FOXN4: variants seen among roughly 807,000 people sequenced by gnomAD.
FOXN4 encodes the protein forkhead box protein N4.
FOXN4 carries 12 observed loss-of-function variants against 45.0 expected under a neutral mutation model. The ratio of observed to expected loss-of-function variants is 0.27; its 90% CI spans 0.17 to 0.43. The LOEUF is 0.43. Among genes scored for constraint, FOXN4 ranks in the 20% least tolerant of loss-of-function variants. The pLI, the probability that FOXN4 is intolerant of heterozygous loss-of-function variation, is 1.00. For missense variants in FOXN4, 560 were observed against 694.9 expected (o/e 0.81, Z 2.18); for synonymous variants, 297 against 295.0 (o/e 1.01, Z -0.07).
chr12:109,279,374 G>T lies in FOXN4; in HGVS notation c.*297C>A, dbSNP rs865980387. On this transcript the variant is annotated 3_prime_UTR_variant, in exon 10 of 10. Transcript: ENST00000299162. ...CTCACTCAACACGGGCAGGCATTGC[G>T]GCTCAGGCCTCGGAGGAGTGTCAAG... The T allele has an allele frequency of 8.7e-6, 4 of 457,284 alleles. No individual in the cohort carries two copies. The highest frequency in any genetic ancestry group is 4.0e-5 in the East Asian group (1 of 25,296). The allele number at this position is 457,284 out of a possible 1,614,324, so 28.3% of individuals were successfully genotyped here.
rs1431019791 is a variant in FOXN4, at chr12:109,290,447, T to C, written c.87-161A>G. 3.9e-5 allele frequency among the ~76,000 whole-genome samples: 6 copies of C among 152,170 alleles called. No homozygotes were observed. Among genetic ancestry groups the C allele is most frequent in the Non-Finnish European group, 8.8e-5 (6 of 68,028 alleles). ...CCCAGGACTGGACACGGGAACCTGGTCCCAGATCCCTTTCGGCAGCCAGAT... is the reference window on the plus strand; with the variant it reads ...CCCAGGACTGGACACGGGAACCTGGCCCCAGATCCCTTTCGGCAGCCAGAT... On this transcript the variant is annotated intron_variant, in intron 2 of 9. Coordinates refer to ENST00000299162, the MANE Select transcript of FOXN4 (RefSeq NM_213596.3). The surrounding 1 kb of genome is among the most constrained non-coding windows in gnomAD (Gnocchi z 5.1).
At chr12:109,280,467 A>G (rs563354191) in intron 9 of FOXN4, among the ~76,000 whole-genome samples, 3 of 152,282 alleles carry the variant, frequency 2.0e-5, no homozygotes, top group African/African-American at 7.2e-5. Flanking sequence ...ATAAGATGGA[A>G]ATGATCAGTG....
At position 109,281,438 on chromosome 12, in the gene FOXN4, G is replaced by C. The variant is rs957752512; in HGVS notation, c.1263C>G (p.Leu421=). ...STDMNTEVDA[L]DPSIMDFALQ... ...GAGCGAAGTCCATGATGCTCGGGTCGAGGGCATCCACCTCAGTGTTCATGT... is the reference window on the plus strand; with the variant it reads ...GAGCGAAGTCCATGATGCTCGGGTCCAGGGCATCCACCTCAGTGTTCATGT... Residue 421 remains leucine, a synonymous_variant, in exon 9 of 10, where the codon CTC becomes CTG. Coordinates refer to ENST00000299162, the MANE Select transcript of FOXN4 (RefSeq NM_213596.3). The C allele has an allele frequency of 1.9e-6, 3 of 1,613,954 alleles. No homozygotes were observed. Among genetic ancestry groups the C allele is most frequent in the Middle Eastern group, 1.6e-4 (1 of 6,062 alleles).
chr12:109,290,018 G>A lies in FOXN4; in HGVS notation c.232+123C>T. ...GCATTTGTCCCATTTTACAGATGCA[G>A]AAAGAGAGGCCCAGAGAGACTGGGA... On this transcript the variant is annotated intron_variant, in intron 3 of 9. Coordinates refer to ENST00000299162, the MANE Select transcript of FOXN4 (RefSeq NM_213596.3). The surrounding 1 kb of genome is among the most constrained non-coding windows in gnomAD (Gnocchi z 5.1). 1 of 1,201,130 alleles carries A rather than the reference G, an allele frequency of 8.3e-7. No homozygotes were observed. The allele number at this position is 1,201,130 out of a possible 1,614,324, so 74.4% of individuals were successfully genotyped here. A position where few individuals can be genotyped will look rare whatever the true frequency, so the allele number is the denominator to read the frequency against.
rs570017744 is a variant in FOXN4 at position 109,291,346 on chromosome 12, C to T, written c.87-1060G>A. On this transcript the variant is annotated intron_variant, in intron 2 of 9. Transcript: ENST00000299162. The surrounding 1 kb of genome is among the most constrained non-coding windows in gnomAD (Gnocchi z 6.6). ...CAGGAGCACACGCCCGACTCCACCA[C>T]ATCTGCCACCCCTGTAGCCAGGGGC... Among the ~76,000 whole-genome samples the T allele has an allele frequency of 4.6e-5, 7 of 152,250 alleles. No homozygotes were observed. In the East Asian group the frequency reaches 1.4e-3, roughly 29 times the overall value.
In FOXN4 at chr12:109,288,866, C is replaced by T. The variant is rs550880611; in HGVS notation, c.233-686G>A. 1.4e-3 allele frequency among the ~76,000 whole-genome samples: 218 copies of T among 152,354 alleles called. No individual in the cohort carries two copies. Among genetic ancestry groups the T allele is most frequent in the Middle Eastern group, 0.01 (3 of 294 alleles). On this transcript the variant is annotated intron_variant, in intron 3 of 9. Transcript: ENST00000299162. This position sits in a 1 kb window ranked among gnomAD's most constrained non-coding sequence, Gnocchi z 4.3. ...AGGAAGCCCTCTGGGTCCTTCAGCT[C>T]TCTTCTGAGTTCTGGCTGCCACTGT... is the stretch of plus-strand genomic sequence containing the variant.
intron 2 of FOXN4, among the ~76,000 whole-genome samples, chr12:109,306,012 C>A (rs1471722169): frequency 6.6e-6 from 1 of 152,146 alleles, no homozygotes; most frequent in African/African-American, 2.4e-5. Flanking sequence ...AGTTTGTCAG[C>A]TGGGTGGCCC....
intron 2 of FOXN4, among the ~76,000 whole-genome samples, chr12:109,303,449 T>G (rs2047885544): frequency 6.6e-6 from 1 of 152,278 alleles, no homozygotes; most frequent in African/African-American, 2.4e-5. Context: ...TCACGTGATA[T>G]TTGTCCATTC....
At chr12:109,303,329 T>C (rs1476528427) in intron 2 of FOXN4, among the ~76,000 whole-genome samples, 1 of 152,216 alleles carries the variant, frequency 6.6e-6, no homozygotes, top group Non-Finnish European at 1.5e-5. Context: ...AACTGATGGG[T>C]GAAGCCACCT....
intron 2 of FOXN4, among the ~76,000 whole-genome samples, chr12:109,296,738 G>C (rs2047821609): frequency 6.6e-6 from 1 of 152,146 alleles, no homozygotes; most frequent in African/African-American, 2.4e-5. Context: ...ACAGGGCCGG[G>C]CACACAAAGG....
At position 109,287,488 on chromosome 12, in the gene FOXN4, C is replaced by A. The variant is rs534934360; in HGVS notation, c.505G>T (p.Val169Leu). The change falls in exon 6 of 10, where the codon GTG becomes TTG. Residue 169 changes from valine (V) to leucine (L), a missense_variant. Coordinates refer to ENST00000299162, the MANE Select transcript of FOXN4 (RefSeq NM_213596.3). The surrounding 1 kb of genome is among the most constrained non-coding windows in gnomAD (Gnocchi z 4.1). ...PVGLYGPPFG[V>L]RPPYPQPHVA... ...TGGGGCTGGGGGTAGGGGGGCCGCA[C>A]CCCAAATGGGGGGCCATAGAGGCCC... 1 of 1,548,484 alleles carries A rather than the reference C, an allele frequency of 6.5e-7. No homozygotes were observed. Among genetic ancestry groups the A allele is most frequent in the Non-Finnish European group, 8.7e-7 (1 of 1,145,670 alleles).
At position 109,281,718 on chromosome 12, in the gene FOXN4, A is replaced by C; in HGVS notation, c.983T>G (p.Leu328Arg). Residue 328 changes from leucine to arginine, a missense_variant, in exon 9 of 10, where the codon CTG becomes CGG. Leu to Arg is a moderately radical substitution (Grantham distance 102). Transcript: ENST00000299162. ...CACGGCCACTGTGGTGGCGTGAGTC[A>C]GCACGGGGGCCTCTGGTTCCCCCGG... ...GKPGEPEAPVLTHATTVAVAH... is the reference protein window; with the variant it reads ...GKPGEPEAPVRTHATTVAVAH... The C allele has an allele frequency of 6.2e-7, 1 of 1,610,626 alleles. No homozygotes were observed. The highest frequency in any genetic ancestry group is 1.1e-5 in the South Asian group (1 of 90,854).
chr12:109,280,624 G>C (rs1017631658), intron 9 of FOXN4, among the ~76,000 whole-genome samples: 7 of 152,172 alleles, frequency 4.6e-5, no homozygotes, highest in African/African-American at 1.4e-4. Context: ...CAATCCAGGG[G>C]GAAAGAGGCA....
At chr12:109,304,257 A>AGAGAGAGAGAGAGAGAGAG (rs2047895683) in intron 2 of FOXN4, among the ~76,000 whole-genome samples, 1 of 98,828 alleles carries the variant, frequency 1.0e-5, no homozygotes, top group African/African-American at 4.6e-5. Context: ...GAAAGAAAGA[A>AGAGAGAGAGAGAGAGAGAG]AGAAAGAAAG....
In FOXN4 at chr12:109,287,866, G is replaced by A. The variant is rs982248955; in HGVS notation, c.446C>T (p.Pro149Leu). The change falls in exon 5 of 10, where the codon CCG becomes CTG. Residue 149 changes from proline (P) to leucine (L), a missense_variant. This residue lies in a region of FOXN4 where 3 missense variants were observed against 17.2 expected (regional missense o/e 0.17). Coordinates refer to ENST00000299162, the MANE Select transcript of FOXN4 (RefSeq NM_213596.3). This position sits in a 1 kb window ranked among gnomAD's most constrained non-coding sequence, Gnocchi z 4.1. The stretch of plus-strand genomic sequence containing the variant: ...TACCTGCTGGGCACCCGGGGGGAGC[G>A]GGAACTGTGGTTGGGTGGCAGGTGA... ...LYSPATQPQF[P>L]LPPGAQQCPP... The A allele has an allele frequency of 2.9e-5, 45 of 1,550,098 alleles. No homozygotes were observed. The highest frequency in any genetic ancestry group is 3.6e-5 in the South Asian group (3 of 83,996).
rs149638207 is a variant in FOXN4 at position 109,293,374 on chromosome 12, T to G, written c.87-3088A>C. Reference sequence around the variant, plus strand: ...GACCCACTCTGCACCCTGACTGCTCTCTACACTTCGCCAGGACCAGCCAGT... The same window carrying G: ...GACCCACTCTGCACCCTGACTGCTCGCTACACTTCGCCAGGACCAGCCAGT... On this transcript the variant is annotated intron_variant, in intron 2 of 9. Coordinates refer to ENST00000299162, the MANE Select transcript of FOXN4 (RefSeq NM_213596.3). 2.3e-3 allele frequency among the ~76,000 whole-genome samples: 348 copies of G among 152,226 alleles called. 2 individuals carry two copies. Among genetic ancestry groups the G allele is most frequent in the Middle Eastern group, 3.4e-3 (1 of 294 alleles).
At chr12:109,295,918 T>A (rs532822300) in intron 2 of FOXN4, among the ~76,000 whole-genome samples, 2 of 152,320 alleles carry the variant, frequency 1.3e-5, no homozygotes, top group East Asian at 3.9e-4. Context: ...AGCCCTGCCC[T>A]TCAGGTTTGG....
At chr12:109,282,955 G>A (rs928937189) in intron 8 of FOXN4, among the ~76,000 whole-genome samples, 15 of 149,346 alleles carry the variant, frequency 1.0e-4, no homozygotes, top group South Asian at 2.2e-4. Context: ...GGGTGGGCGC[G>A]ATGTCATACC....
rs942222963 is a variant in FOXN4 at position 109,290,556 on chromosome 12, G to T, written c.87-270C>A. ...ACATAAACAATGCACGCGAATATTT[G>T]TTGAGGACTTGACCAGTGCCAGACA... On this transcript the variant is annotated intron_variant, in intron 2 of 9. Transcript: ENST00000299162. The surrounding 1 kb of genome is among the most constrained non-coding windows in gnomAD (Gnocchi z 5.1). Among the ~76,000 whole-genome samples the T allele has an allele frequency of 6.6e-6, 1 of 152,222 alleles. No homozygotes were observed. The highest frequency in any genetic ancestry group is 1.5e-5 in the Non-Finnish European group (1 of 68,038).
Sources: allele counts gnomAD v4.1 joint callset (sites outside exome capture counted in the v4.1 genomes callset), GRCh38; gene constraint gnomAD v4.1.1; regional missense constraint gnomAD v4.1.1; non-coding constraint Gnocchi (gnomAD v3.1); transcripts MANE v1.5; gene names NCBI Gene and HGNC (gene_info 2026-07-23, HGNC 2026-07-21).